SLC24A2: variants seen among roughly 807,000 people sequenced by gnomAD.
SLC24A2 encodes sodium/potassium/calcium exchanger 2.
A neutral mutation model predicts 62.0 loss-of-function variants in SLC24A2; 36 were observed. That is an observed-to-expected ratio of 0.58 (90% CI 0.44 to 0.77). The LOEUF is 0.77. Ranked by LOEUF, SLC24A2 falls within the 30% of genes least tolerant of loss-of-function variation. SLC24A2 has a pLI of 0.00. For missense variants in SLC24A2, 846 were observed against 817.9 expected (o/e 1.03, Z -0.42); for synonymous variants, 358 against 294.0 (o/e 1.22, Z -2.23).
At chr9:20,043,231 C>T in the SLC24A2 span, among the ~76,000 whole-genome samples, 1 of 152,152 alleles carries the variant, frequency 6.6e-6, no homozygotes, top group Non-Finnish European at 1.5e-5. Flanking sequence ...ATTAAAAGTG[C>T]TACTCCAGTG....
the SLC24A2 span, among the ~76,000 whole-genome samples, chr9:20,275,066 C>A: frequency 1.3e-5 from 2 of 151,612 alleles, no homozygotes; most frequent in African/African-American, 4.9e-5. Flanking sequence ...TAAGATGATG[C>A]GACCCAGCAG....
chr9:19,920,126 A>G, the SLC24A2 span, among the ~76,000 whole-genome samples: 2 of 152,132 alleles, frequency 1.3e-5, no homozygotes, highest in African/African-American at 2.4e-5. Flanking sequence ...AACATTTGAT[A>G]TATTTCCTTT....
At chr9:19,608,604 A>G (rs1349776310) in intron 4 of SLC24A2, among the ~76,000 whole-genome samples, 1 of 152,214 alleles carries the variant, frequency 6.6e-6, no homozygotes, top group East Asian at 1.9e-4. Context: ...CAGTTTTCTC[A>G]GAGGTAAAAC....
At chr9:20,243,178 A>G in the SLC24A2 span, among the ~76,000 whole-genome samples, 4 of 152,238 alleles carry the variant, frequency 2.6e-5, no homozygotes, top group South Asian at 6.2e-4. Context: ...TCGCACTTAT[A>G]TTCTTTTCAC....
chr9:20,126,020 T>C, the SLC24A2 span, among the ~76,000 whole-genome samples: 1 of 152,196 alleles, frequency 6.6e-6, no homozygotes, highest in Non-Finnish European at 1.5e-5. Flanking sequence ...TTCAGTGATA[T>C]GAAGTCAAAA....
chr9:20,029,157 T>C, the SLC24A2 span, among the ~76,000 whole-genome samples: 1 of 152,104 alleles, frequency 6.6e-6, no homozygotes, highest in African/African-American at 2.4e-5. Context: ...ACCAAAGCTA[T>C]TTGGAAGGCA....
the SLC24A2 span, among the ~76,000 whole-genome samples, chr9:19,962,369 C>G: frequency 3.3e-5 from 5 of 152,132 alleles, no homozygotes; most frequent in Non-Finnish European, 7.3e-5. Context: ...TCCATATGAA[C>G]TTTAAAGTAG....
chr9:20,112,287 C>T, the SLC24A2 span, among the ~76,000 whole-genome samples: 244 of 152,334 alleles, frequency 1.6e-3, 4 homozygotes, highest in East Asian at 0.036. Context: ...ACTTGTCTGG[C>T]TGCAGAAAGC....
intron 2 of SLC24A2, among the ~76,000 whole-genome samples, chr9:19,670,703 A>G (rs1394212060): frequency 6.6e-6 from 1 of 152,172 alleles, no homozygotes; most frequent in Non-Finnish European, 1.5e-5. Flanking sequence ...GCCCATAAAT[A>G]TAGGTTAGGA....
intron 7 of SLC24A2, among the ~76,000 whole-genome samples, chr9:19,565,914 A>G (rs568500836): frequency 0.018 from 2,563 of 142,942 alleles, 126 homozygotes; most frequent in African/African-American, 0.074. Flanking sequence ...CTCGCTATAT[A>G]TAGAAAGCTG....
intron 2 of SLC24A2, among the ~76,000 whole-genome samples, chr9:19,758,392 G>A (rs1822209624): frequency 6.6e-6 from 1 of 152,060 alleles, no homozygotes; most frequent in Non-Finnish European, 1.5e-5. Context: ...CACATGAATA[G>A]GACGTCAGCC....
chr9:19,605,205 G>C (rs1325912422), intron 4 of SLC24A2, among the ~76,000 whole-genome samples: 1 of 152,170 alleles, frequency 6.6e-6, no homozygotes, highest in Non-Finnish European at 1.5e-5. Context: ...CCCAAAGGGT[G>C]GCCTAAGAAT....
At chr9:20,129,253 A>G in the SLC24A2 span, among the ~76,000 whole-genome samples, 1 of 152,138 alleles carries the variant, frequency 6.6e-6, no homozygotes, top group African/African-American at 2.4e-5. Context: ...GATACTTCAC[A>G]CCCATGAGAA....
chr9:20,038,884 G>C, the SLC24A2 span, among the ~76,000 whole-genome samples: 1 of 152,144 alleles, frequency 6.6e-6, no homozygotes, highest in Non-Finnish European at 1.5e-5. Context: ...GTCTTAGAAA[G>C]AGAAAATCAA....
chr9:20,006,706 A>G, the SLC24A2 span, among the ~76,000 whole-genome samples: 46,677 of 151,962 alleles, frequency 0.31, 7,730 homozygotes, highest in East Asian at 0.52. Flanking sequence ...CCATTACATG[A>G]CACCAGACTA....
chr9:19,955,379 T>G, the SLC24A2 span, among the ~76,000 whole-genome samples: 2 of 141,400 alleles, frequency 1.4e-5, no homozygotes, highest in Admixed American at 6.8e-5. Flanking sequence ...ATTCTCAGGT[T>G]TTTTTTTTTT....
chr9:20,137,163 T>C, the SLC24A2 span, among the ~76,000 whole-genome samples: 13 of 152,150 alleles, frequency 8.5e-5, no homozygotes, highest in Admixed American at 5.2e-4. Context: ...ACCCTGTTCA[T>C]TGATGTGTGT....
chr9:19,858,218 A>C, the SLC24A2 span, among the ~76,000 whole-genome samples: 2 of 152,118 alleles, frequency 1.3e-5, no homozygotes, highest in Admixed American at 1.3e-4. Context: ...ACAGCCATCT[A>C]ATCTTTGACA....
At chr9:19,694,490 A>G (rs73430056) in intron 2 of SLC24A2, among the ~76,000 whole-genome samples, 4,272 of 152,260 alleles carry the variant, frequency 0.028, 222 homozygotes, top group African/African-American at 0.097. Context: ...TCTGATAAAG[A>G]AAAGGCTACA....
Sources: gnomAD v4.1 joint callset for allele counts (sites outside exome capture counted in the v4.1 genomes callset) on GRCh38, gnomAD v4.1.1 for gene constraint, MANE v1.5 for transcripts, NCBI Gene and HGNC (gene_info 2026-07-23, HGNC 2026-07-21) for gene names.